The following IPP variants were observed in gnomAD, a reference collection of about 807,000 sequenced individuals.
The protein encoded by IPP is intracisternal A particle-promoted polypeptide.
Under a neutral mutation model 64.1 loss-of-function variants are expected in IPP, and 41 were observed. The ratio of observed to expected loss-of-function variants is 0.64; its 90% CI spans 0.50 to 0.83. IPP has a LOEUF of 0.83. Among genes scored for constraint, IPP ranks in the 40% least tolerant of loss-of-function variants. IPP has a pLI of 0.00. For missense variants in IPP, 649 were observed against 703.0 expected (o/e 0.92, Z 0.87); for synonymous variants, 214 against 235.2 (o/e 0.91, Z 0.83).
rs1006257556 is a variant in IPP at position 45,750,608 on chromosome 1, C to T, written c.-62G>A. ...CAGGCCCTCCTTACCCGCCGCTTCCCCTTCCCTCCGGCGCCCGCTCAGGCC... is the reference window on the plus strand; with the variant it reads ...CAGGCCCTCCTTACCCGCCGCTTCCTCTTCCCTCCGGCGCCCGCTCAGGCC... On this transcript the variant is annotated 5_prime_UTR_variant, in exon 1 of 9. Coordinates refer to ENST00000396478, the MANE Select transcript of IPP (RefSeq NM_005897.3). The T allele has an allele frequency of 6.6e-6, 1 of 152,426 alleles. No individual in the cohort carries two copies. Among genetic ancestry groups the T allele is most frequent in the Non-Finnish European group, 1.5e-5 (1 of 68,186 alleles). 9.4% of individuals were successfully genotyped at this position (152,426 alleles called of 1,614,324 possible).
At chr1:45,714,502 TAGTGAGATACAA>T in intron 7 of IPP, 36 bp from the exon 8 acceptor site, 1 of 1,164,380 alleles carries the variant, frequency 8.6e-7, no homozygotes, top group African/African-American at 1.5e-5. Context: ...ATGCTACAGA[TAGTGAGATACAA>T]ATAATGATGA....
intron 1 of IPP, among the ~76,000 whole-genome samples, chr1:45,749,528 T>TG (rs1237120612): frequency 6.8e-6 from 1 of 146,146 alleles, no homozygotes; most frequent in Admixed American, 6.8e-5. Context: ...GTTTTTTGTT[T>TG]TTTTTTTTTT....
At position 45,699,831 on chromosome 1, in the gene IPP, G is replaced by A. The variant is rs1369690708; in HGVS notation, c.*135C>T. ...GCATGAGGCCACTGCGCCCAGCCTCGTTAGTCATTTATCTACCAAATACAT... is the reference window on the plus strand; with the variant it reads ...GCATGAGGCCACTGCGCCCAGCCTCATTAGTCATTTATCTACCAAATACAT... On this transcript the variant is annotated 3_prime_UTR_variant, in exon 9 of 9. Coordinates refer to ENST00000396478, the MANE Select transcript of IPP (RefSeq NM_005897.3). 26 of 1,463,216 alleles carry A rather than the reference G, an allele frequency of 1.8e-5. No individual in the cohort carries two copies. The highest frequency in any genetic ancestry group is 2.0e-4 in the Middle Eastern group (1 of 4,958). The allele number at this position is 1,463,216 out of a possible 1,614,324, so 90.6% of individuals were successfully genotyped here.
chr1:45,697,975 C>T (rs11211168), downstream of IPP: 42,006 of 149,192 alleles, frequency 0.28, 5,983 homozygotes, highest in Middle Eastern at 0.37. Flanking sequence ...AAAAAAGAAA[C>T]GGGAAATCAA....
At chr1:45,716,691 A>G (rs920692255) in intron 7 of IPP, among the ~76,000 whole-genome samples, 5 of 152,242 alleles carry the variant, frequency 3.3e-5, no homozygotes, top group African/African-American at 1.2e-4. Flanking sequence ...AGCCTTGTTT[A>G]TTTCTGAAAA....
At position 45,735,972 on chromosome 1, in the gene IPP, G is replaced by A. The variant is rs149478388; in HGVS notation, c.724+4929C>T. Among the ~76,000 whole-genome samples, 458 of 151,760 alleles carry A rather than the reference G, an allele frequency of 3.0e-3. 4 individuals are homozygous for A. The highest frequency in any genetic ancestry group is 0.022 in the East Asian group (114 of 5,158). ...TAAAAATACAAAAAATTATCCGGGC[G>A]TGGTGGCACAGGCCTGCAGTCCCAG... is the stretch of plus-strand genomic sequence containing the variant. On this transcript the variant is annotated intron_variant, in intron 3 of 8. Coordinates refer to ENST00000396478, the MANE Select transcript of IPP (RefSeq NM_005897.3).
At position 45,748,387 on chromosome 1, in the gene IPP, G is replaced by T. The variant is rs539376102; in HGVS notation, c.-50-1926C>A. ...AAATTTTTTAAAGAGGGTGAAAGGG[G>T]CTGGGCACAGTGGCTCATACCTGTA... On this transcript the variant is annotated intron_variant, in intron 1 of 8. Coordinates refer to ENST00000396478, the MANE Select transcript of IPP (RefSeq NM_005897.3). Among the ~76,000 whole-genome samples, 240 of 152,284 alleles carry T rather than the reference G, an allele frequency of 1.6e-3. 1 individual carries two copies. The highest frequency in any genetic ancestry group is 3.0e-3 in the Non-Finnish European group (205 of 68,024).
chr1:45,743,366 T>G (rs1646092566), intron 2 of IPP, among the ~76,000 whole-genome samples: 1 of 149,876 alleles, frequency 6.7e-6, no homozygotes, highest in Non-Finnish European at 1.5e-5. Flanking sequence ...GCCTCCTGAG[T>G]AGCTGGGACT....
intron 3 of IPP, among the ~76,000 whole-genome samples, chr1:45,740,249 G>A (rs1280666680): frequency 6.6e-6 from 1 of 152,144 alleles, no homozygotes; most frequent in Non-Finnish European, 1.5e-5. Flanking sequence ...GCAACCATCC[G>A]ATTTCTCAAT....
At chr1:45,725,399 C>A (rs1309095829) in intron 5 of IPP, among the ~76,000 whole-genome samples, 1 of 147,452 alleles carries the variant, frequency 6.8e-6, no homozygotes, top group African/African-American at 2.5e-5. Context: ...CGCCTCTGCC[C>A]GGCCGCCCCT....
intron 3 of IPP, among the ~76,000 whole-genome samples, chr1:45,735,082 A>G (rs1390681287): frequency 6.9e-6 from 1 of 144,986 alleles, no homozygotes; most frequent in African/African-American, 2.6e-5. Flanking sequence ...GCCCAGCCTA[A>G]TTTTATTTGC....
At chr1:45,728,321 C>T (rs1645861008) in intron 4 of IPP, among the ~76,000 whole-genome samples, 1 of 150,994 alleles carries the variant, frequency 6.6e-6, no homozygotes. Flanking sequence ...TAAGAAGCAC[C>T]CAAAAGCATT....
At position 45,741,073 on chromosome 1, in the gene IPP, G is replaced by C; in HGVS notation, c.552C>G (p.Ile184Met). Residue 184 changes from isoleucine to methionine, a missense_variant, in exon 3 of 9, where the codon ATC becomes ATG. Ile to Met is a conservative substitution (Grantham distance 10). Coordinates refer to ENST00000396478, the MANE Select transcript of IPP (RefSeq NM_005897.3). Reference sequence around the variant, plus strand: ...TAAGCTCTTCACTTCGCAAAATTTTGATCAGCTGATCTTTCGTAAGTGCCA... The same window carrying C: ...TAAGCTCTTCACTTCGCAAAATTTTCATCAGCTGATCTTTCGTAAGTGCCA... ...EFLALTKDQL[I>M]KILRSEELSI... 6.2e-7 allele frequency: 1 copy of C among 1,614,056 alleles called. No homozygotes were observed. The highest frequency in any genetic ancestry group is 8.5e-7 in the Non-Finnish European group (1 of 1,179,992).
At chr1:45,739,123 C>G (rs1646022664) in intron 3 of IPP, among the ~76,000 whole-genome samples, 1 of 152,074 alleles carries the variant, frequency 6.6e-6, no homozygotes, top group African/African-American at 2.4e-5. Flanking sequence ...AAACTAATAA[C>G]TCATTATTTT....
intron 3 of IPP, among the ~76,000 whole-genome samples, chr1:45,740,561 T>C (rs1408592742): frequency 2.0e-5 from 3 of 151,688 alleles, no homozygotes; most frequent in African/African-American, 7.3e-5. Flanking sequence ...TGACCCCCCC[T>C]AGGAAATCTT....
chr1:45,724,094 G>A (rs1232396236), intron 5 of IPP, among the ~76,000 whole-genome samples: 1 of 146,918 alleles, frequency 6.8e-6, no homozygotes, highest in East Asian at 2.3e-4. Flanking sequence ...TGATTCTCCT[G>A]CCTCAGCCTG....
At chr1:45,707,946 CG>C (rs1217597334) in intron 8 of IPP, among the ~76,000 whole-genome samples, 4 of 151,188 alleles carry the variant, frequency 2.6e-5, no homozygotes, top group African/African-American at 4.9e-5. Flanking sequence ...TTAAAAGCTG[CG>C]GAAGAAAAAA....
In IPP at chr1:45,718,556, G is replaced by GC. The variant is rs1645690423; in HGVS notation, c.1186+646dup. On this transcript the variant is annotated intron_variant, in intron 6 of 8. Transcript: ENST00000396478. The stretch of plus-strand genomic sequence containing the variant: ...CCTGAGTGCCTCCTTAGGATGGACA[G>GC]CCCAGGAGCACCCCCTCCAATCCCT... 2.2e-5 allele frequency among the ~76,000 whole-genome samples: 3 copies of GC among 139,358 alleles called. No individual in the cohort carries two copies. The Admixed American group carries it at 2.2e-4, about 10-fold the overall frequency. The allele number at this position is 139,358 out of a possible 152,430, so 91.4% of individuals were successfully genotyped here.
intron 3 of IPP, 98 bp downstream of exon 3, chr1:45,740,799 ATGTC>A (rs1399982099): frequency 4.6e-6 from 3 of 648,030 alleles, no homozygotes; most frequent in East Asian, 2.7e-5. Flanking sequence ...CATTCAATAA[ATGTC>A]TGTTACTGAA....
Sources: allele counts gnomAD v4.1 joint callset (sites outside exome capture counted in the v4.1 genomes callset), GRCh38; gene constraint gnomAD v4.1.1; transcripts MANE v1.5; gene names NCBI Gene and HGNC (gene_info 2026-07-23, HGNC 2026-07-21).